PRCP: variants seen among roughly 807,000 people sequenced by gnomAD.
PRCP encodes the protein prolylcarboxypeptidase, also known as lysosomal Pro-X carboxypeptidase.
Under a neutral mutation model 54.2 loss-of-function variants are expected in PRCP, and 46 were observed. The ratio of observed to expected loss-of-function variants is 0.85; its 90% CI spans 0.67 to 1.09. The LOEUF is 1.09. Among genes scored for constraint, PRCP ranks in the 50% least tolerant of loss-of-function variants. PRCP has a pLI of 0.00. For synonymous variants in PRCP, 240 were observed against 212.2 expected (o/e 1.13, Z -1.14); for missense variants, 613 against 596.8 (o/e 1.03, Z -0.28).
chr11:82,848,915 G>A, intron 6 of PRCP, 134 bp downstream of exon 6: 1 of 866,302 alleles, frequency 1.2e-6, no homozygotes, highest in Middle Eastern at 3.6e-4. Flanking sequence ...GCAGAACCCA[G>A]GATTCCAGCT....
chr11:82,888,686 A>G (rs931276762), intron 1 of PRCP, among the ~76,000 whole-genome samples: 8 of 152,202 alleles, frequency 5.3e-5, no homozygotes, highest in Admixed American at 5.2e-4. Context: ...ACCCCAAAAT[A>G]AGAAAATTAA....
chr11:82,843,841 G>C (rs745896246), intron 6 of PRCP, among the ~76,000 whole-genome samples: 1 of 152,132 alleles, frequency 6.6e-6, no homozygotes, highest in Non-Finnish European at 1.5e-5. Flanking sequence ...TTTCACAGAA[G>C]AGAAAACAAG....
At chr11:82,850,181 TG>T in intron 4 of PRCP, 110 bp from the exon 5 acceptor site, 1 of 943,142 alleles carries the variant, frequency 1.1e-6, no homozygotes, top group Non-Finnish European at 1.4e-6. Context: ...ATAAAAATAT[TG>T]AGAAAAATAA....
chr11:82,838,664 G>T, intron 7 of PRCP, 90 bp from the exon 8 acceptor site: 2 of 1,326,644 alleles, frequency 1.5e-6, no homozygotes, highest in South Asian at 1.5e-5. Context: ...CTGGTAAGTA[G>T]TGAAGGCAGG....
rs79368037 is a variant in PRCP at position 82,834,195 on chromosome 11, C to T, written c.1274+4192G>A. 7.2e-3 allele frequency among the ~76,000 whole-genome samples: 1,102 copies of T among 152,258 alleles called. 7 individuals are homozygous for T. Among genetic ancestry groups the T allele is most frequent in the Non-Finnish European group, 0.012 (821 of 68,018 alleles). ...TCCTCATCTTGGGCTTCCCAGCCTC[C>T]GTAACTGTGAGCGATACATTTGTGC... On this transcript the variant is annotated intron_variant, in intron 8 of 8. Transcript: ENST00000313010.
intron 2 of PRCP, among the ~76,000 whole-genome samples, chr11:82,858,950 T>C (rs1648915473): frequency 6.6e-6 from 1 of 152,204 alleles, no homozygotes; most frequent in Non-Finnish European, 1.5e-5. Flanking sequence ...AAATGAGAAA[T>C]GCAATAACAA....
At position 82,900,261 on chromosome 11, in the gene PRCP, A is replaced by G; in HGVS notation, c.142T>C (p.Tyr48His). 6.2e-7 allele frequency: 1 copy of G among 1,614,202 alleles called. No homozygotes were observed. The highest frequency in any genetic ancestry group is 2.2e-5 in the East Asian group (1 of 44,888). ...TTCTGTTGGAAGTAGAGAACCGAAT[A>G]GTTCTTGGCTACAGCCGGGAGGGAT... ...PTSLPAVAKNYSVLYFQQKVD... is the reference protein window; with the variant it reads ...PTSLPAVAKNHSVLYFQQKVD... The change falls in exon 1 of 9, where the codon TAT (tyrosine) becomes CAT (histidine). Residue 48 changes from tyrosine (Y) to histidine (H), a missense_variant. By Grantham distance (83) the Tyr-to-His change is moderately conservative (BLOSUM62 2). Transcript: ENST00000313010.
In PRCP at chr11:82,838,520, C is replaced by G. The variant is rs764366935; in HGVS notation, c.1141G>C (p.Glu381Gln). ...TCCTTTAAGTTCCATGAGTGAGGTT[C>G]AAACATGTCATCGACACCATTAGTA... Reference protein sequence around the residue: ...FCTNGVDDMFEPHSWNLKELS... With the variant: ...FCTNGVDDMFQPHSWNLKELS... Residue 381 changes from glutamate to glutamine, a missense_variant, in exon 8 of 9, where the codon GAA becomes CAA. Glu to Gln is a conservative substitution (Grantham distance 29). Transcript: ENST00000313010. 3 of 1,614,108 alleles carry G rather than the reference C, an allele frequency of 1.9e-6. No homozygotes were observed.
rs750966159 is a variant in PRCP, at chr11:82,850,554, A to G, written c.412-49T>C. ...CGGGTATAAATGTGCACATAACAGC[A>G]GCTTAGGAATAGCATGGATCCAGAA... On this transcript the variant is annotated intron_variant, in intron 3 of 8. Transcript: ENST00000313010. The G allele has an allele frequency of 3.7e-6, 5 of 1,354,972 alleles. No homozygotes were observed. The Admixed American group carries it at 9.4e-5, about 25-fold the overall frequency. The allele number at this position is 1,354,972 out of a possible 1,614,324, so 83.9% of individuals were successfully genotyped here.
At position 82,900,410 on chromosome 11, in the gene PRCP, G is replaced by A; in HGVS notation, c.-8C>T. On this transcript the variant is annotated 5_prime_UTR_variant, in exon 1 of 9. Transcript: ENST00000313010. ...GAGGGCTCGGCGGCCCATGGCTCAG[G>A]CTGGAGACTGCAGTGCGGGTGGGAG... The A allele has an allele frequency of 6.2e-7, 1 of 1,612,718 alleles. No homozygotes were observed. Among genetic ancestry groups the A allele is most frequent in the Non-Finnish European group, 8.5e-7 (1 of 1,179,778 alleles).
At position 82,823,857 on chromosome 11, in the gene PRCP, T is replaced by G. The variant is rs1858153285; in HGVS notation, c.*1049A>C. On this transcript the variant is annotated 3_prime_UTR_variant, in exon 9 of 9. Transcript: ENST00000313010. ...GGCTTGGCCATTTATTAATGTCAAA[T>G]ATGCTGCCTGCATGAATTAGTCAGC... 1 of 152,220 alleles carries G rather than the reference T, an allele frequency of 6.6e-6. No homozygotes were observed. Among genetic ancestry groups the G allele is most frequent in the African/African-American group, 2.4e-5 (1 of 41,460 alleles). 9.4% of individuals were successfully genotyped at this position (152,220 alleles called of 1,614,324 possible). A position where few individuals can be genotyped will look rare whatever the true frequency, so the allele number is the denominator to read the frequency against.
At chr11:82,841,281 A>G (rs10450660) in intron 6 of PRCP, among the ~76,000 whole-genome samples, 1 of 151,322 alleles carries the variant, frequency 6.6e-6, no homozygotes, top group East Asian at 1.9e-4. Flanking sequence ...AAAAAAAAAA[A>G]GGAAAACTGT....
chr11:82,837,105 G>T, intron 8 of PRCP: 1 of 220,584 alleles, frequency 4.5e-6, no homozygotes, highest in Non-Finnish European at 9.6e-6. Flanking sequence ...ACACAATCCT[G>T]CAGAAGGGCA....
chr11:82,835,534 G>T, intron 8 of PRCP: 1 of 285,238 alleles, frequency 3.5e-6, no homozygotes, highest in Non-Finnish European at 6.8e-6. Context: ...ACAGTTTTTG[G>T]TCCTACTATG....
Position 82,824,458 on chromosome 11 carries a change from A to G in PRCP, c.*448T>C, listed in dbSNP as rs1408723572. The G allele has an allele frequency of 1.7e-5, 3 of 180,050 alleles. No individual in the cohort carries two copies. The highest frequency in any genetic ancestry group is 2.4e-5 in the African/African-American group (1 of 41,770). The allele number at this position is 180,050 out of a possible 1,614,324, so 11.2% of individuals were successfully genotyped here. A position where few individuals can be genotyped will look rare whatever the true frequency, so the allele number is the denominator to read the frequency against. On this transcript the variant is annotated 3_prime_UTR_variant, in exon 9 of 9. Coordinates refer to ENST00000313010, the MANE Select transcript of PRCP (RefSeq NM_005040.4). ...GGCTCTCACTTCCTGGATTGGCACC[A>G]GACATCCTACCAGCTGCAATTACAT...
Position 82,823,172 on chromosome 11 carries a change from C to T in PRCP, c.*1734G>A, listed in dbSNP as rs1858137269. 6.6e-6 allele frequency among the ~76,000 whole-genome samples: 1 copy of T among 152,074 alleles called. No homozygotes were observed. The highest frequency in any genetic ancestry group is 1.5e-5 in the Non-Finnish European group (1 of 68,006). On this transcript the variant is annotated 3_prime_UTR_variant, in exon 9 of 9. Transcript: ENST00000313010. Reference sequence around the variant, plus strand: ...TTTGTTTCTTCAGAATAATGTAACTCATCCAAATAATCAACATCAAATAAA... The same window carrying T: ...TTTGTTTCTTCAGAATAATGTAACTTATCCAAATAATCAACATCAAATAAA...
intron 6 of PRCP, chr11:82,840,455 T>C (rs905931779): frequency 9.9e-5 from 15 of 152,128 alleles, no homozygotes; most frequent in African/African-American, 3.6e-4. Context: ...GCAATTTACT[T>C]TAAAATTCAT....
At chr11:82,883,078 G>A (rs1055562122) in intron 1 of PRCP, among the ~76,000 whole-genome samples, 1 of 152,186 alleles carries the variant, frequency 6.6e-6, no homozygotes, top group African/African-American at 2.4e-5. Flanking sequence ...TTTGTCTGAA[G>A]AGCTGATGAA....
intron 1 of PRCP, among the ~76,000 whole-genome samples, chr11:82,869,508 A>G (rs1859428289): frequency 2.0e-5 from 3 of 152,150 alleles, no homozygotes; most frequent in African/African-American, 7.2e-5. Flanking sequence ...AAGGGAGGAA[A>G]GAAACCTAGC....
Sources: allele counts gnomAD v4.1 joint callset (sites outside exome capture counted in the v4.1 genomes callset), GRCh38; gene constraint gnomAD v4.1.1; transcripts MANE v1.5; gene names NCBI Gene and HGNC (gene_info 2026-07-23, HGNC 2026-07-21).